The following TMEM45B variants were observed in gnomAD, a reference collection of about 807,000 sequenced individuals.
The protein encoded by TMEM45B is transmembrane protein 45B.
In TMEM45B, 29 loss-of-function variants were observed where a neutral mutation model predicts 27.3. The ratio of observed to expected loss-of-function variants is 1.06; its 90% CI spans 0.79 to 1.45. The LOEUF (loss-of-function observed/expected upper bound fraction) is 1.45, where lower values mean the gene tolerates loss of function less well. TMEM45B is among the 40% of genes most tolerant of loss of function. The pLI is 0.00. For synonymous variants in TMEM45B, 143 were observed against 134.7 expected (o/e 1.06, Z -0.43); for missense variants, 348 against 343.9 (o/e 1.01, Z -0.09).
intron 1 of TMEM45B, among the ~76,000 whole-genome samples, chr11:129,832,211 A>T (rs1477825076): frequency 2.6e-5 from 4 of 152,118 alleles, no homozygotes; most frequent in African/African-American, 9.6e-5. Flanking sequence ...TCTACTAAAA[A>T]TACAGAAAAT....
At chr11:129,818,012 A>G (rs188991859) in intron 1 of TMEM45B, among the ~76,000 whole-genome samples, 2 of 152,302 alleles carry the variant, frequency 1.3e-5, no homozygotes, top group East Asian at 3.9e-4. Flanking sequence ...ATTTGTTTCT[A>G]TAGAAAGATC....
rs148543590 is a variant in TMEM45B at position 129,846,969 on chromosome 11, G to C, written c.-8-5506G>C. On this transcript the variant is annotated intron_variant, in intron 1 of 5. Coordinates refer to ENST00000281441, the MANE Select transcript of TMEM45B (RefSeq NM_138788.5). The stretch of plus-strand genomic sequence containing the variant: ...AGTGCTGGGAGAAATCAAAGAGATG[G>C]CTCAGGATCGTATATGGCCTTATTG... 4.3e-4 allele frequency among the ~76,000 whole-genome samples: 65 copies of C among 152,290 alleles called. No individual in the cohort carries two copies. In the East Asian group the frequency reaches 0.013, roughly 29 times the overall value.
At chr11:129,836,947 G>C (rs766830313) in intron 1 of TMEM45B, among the ~76,000 whole-genome samples, 12 of 151,714 alleles carry the variant, frequency 7.9e-5, no homozygotes, top group Admixed American at 3.3e-4. Flanking sequence ...TTCAATTTAT[G>C]AATTGAAAGG....
At chr11:129,819,896 G>A (rs548729643) in intron 1 of TMEM45B, among the ~76,000 whole-genome samples, 84 of 152,088 alleles carry the variant, frequency 5.5e-4, no homozygotes, top group African/African-American at 1.9e-3. Context: ...AGCTTTTCTG[G>A]TAGCCCACCC....
intron 3 of TMEM45B, 43 bp downstream of exon 3, chr11:129,854,859 G>A: frequency 6.3e-7 from 1 of 1,593,824 alleles, no homozygotes; most frequent in Non-Finnish European, 8.5e-7. Flanking sequence ...AGCCTGACAA[G>A]TCATATTTAT....
intron 1 of TMEM45B, among the ~76,000 whole-genome samples, chr11:129,833,111 G>T (rs371632932): frequency 6.6e-6 from 1 of 151,836 alleles, no homozygotes; most frequent in African/African-American, 2.4e-5. Flanking sequence ...TTGTGGTGGC[G>T]CACCTGTAGT....
chr11:129,847,967 G>A (rs1591447783), intron 1 of TMEM45B, among the ~76,000 whole-genome samples: 2 of 152,226 alleles, frequency 1.3e-5, no homozygotes, highest in African/African-American at 4.8e-5. Context: ...GGGGCGGCCG[G>A]GCAGAGACGC....
chr11:129,854,789 G>A lies in TMEM45B; in HGVS notation c.358G>A (p.Val120Ile), dbSNP rs1947898235. The change falls in exon 3 of 6, where the codon GTT becomes ATT. Residue 120 changes from valine to isoleucine, a missense_variant. Physicochemically the swap from Val to Ile is conservative, Grantham distance 29. Transcript: ENST00000281441. The part of the protein sequence containing the change: ...SHVPLGVDRL[V>I]MAVAVFMEGF... Reference sequence around the variant, plus strand: ...CGTTCCCTTGGGGGTGGACAGACTGGTTATGGCTGTGGCAGTATTCATGGA... The same window carrying A: ...CGTTCCCTTGGGGGTGGACAGACTGATTATGGCTGTGGCAGTATTCATGGA... 6.2e-7 allele frequency: 1 copy of A among 1,613,916 alleles called. No individual in the cohort carries two copies. Among genetic ancestry groups the A allele is most frequent in the Admixed American group, 1.7e-5 (1 of 60,006 alleles).
chr11:129,845,866 A>C (rs569599458), intron 1 of TMEM45B, among the ~76,000 whole-genome samples: 1 of 152,324 alleles, frequency 6.6e-6, no homozygotes, highest in Non-Finnish European at 1.5e-5. Context: ...CAAAACAAGG[A>C]AAAGCCTCTT....
At chr11:129,827,181 C>G (rs1419854694) in intron 1 of TMEM45B, 2 of 152,238 alleles carry the variant, frequency 1.3e-5, no homozygotes, top group African/African-American at 4.8e-5. Flanking sequence ...GACAATCAGT[C>G]TTTCACAAGT....
Position 129,828,505 on chromosome 11 carries a change from G to A in TMEM45B, c.-9+12607G>A, listed in dbSNP as rs1025445451. On this transcript the variant is annotated intron_variant, in intron 1 of 5. Transcript: ENST00000281441. ...GTTGAAGTTCAGGACTGCGGCCACA[G>A]TCACACCACCTGTAAGCAATGGAGG... Among the ~76,000 whole-genome samples, 9 of 152,316 alleles carry A rather than the reference G, an allele frequency of 5.9e-5. No homozygotes were observed. In the South Asian group the frequency reaches 1.0e-3, roughly 18 times the overall value.
chr11:129,838,583 C>T (rs548582339), intron 1 of TMEM45B, among the ~76,000 whole-genome samples: 221 of 152,206 alleles, frequency 1.5e-3, no homozygotes, highest in African/African-American at 4.7e-3. Context: ...TTCTTTTTAA[C>T]GGTTATATAA....
intron 1 of TMEM45B, among the ~76,000 whole-genome samples, chr11:129,851,766 A>G (rs1947849643): frequency 6.6e-6 from 1 of 152,166 alleles, no homozygotes; most frequent in South Asian, 2.1e-4. Context: ...ATAACAGCAA[A>G]TCATGCCTGA....
At chr11:129,844,659 C>T (rs1184661919) in intron 1 of TMEM45B, among the ~76,000 whole-genome samples, 1 of 152,098 alleles carries the variant, frequency 6.6e-6, no homozygotes, top group African/African-American at 2.4e-5. Flanking sequence ...TGCACTCCAC[C>T]CTCGGTGATA....
At chr11:129,841,579 C>CTTTTTTT (rs1565368816) in intron 1 of TMEM45B, among the ~76,000 whole-genome samples, 1 of 134,868 alleles carries the variant, frequency 7.4e-6, no homozygotes, top group Non-Finnish European at 1.6e-5. Flanking sequence ...TTGAAGTTTT[C>CTTTTTTT]TTTTGTTTTT....
At chr11:129,854,437 C>T (rs1947890886) in intron 2 of TMEM45B, among the ~76,000 whole-genome samples, 173 bp from the exon 3 acceptor site, 1 of 152,124 alleles carries the variant, frequency 6.6e-6, no homozygotes, top group Non-Finnish European at 1.5e-5. Context: ...CAGCACACAC[C>T]CTACTTTATA....
chr11:129,835,200 A>G (rs935287995), intron 1 of TMEM45B, among the ~76,000 whole-genome samples: 1 of 152,232 alleles, frequency 6.6e-6, no homozygotes, highest in East Asian at 1.9e-4. Context: ...AGATTTGGAA[A>G]ATTCTCCATC....
intron 1 of TMEM45B, among the ~76,000 whole-genome samples, chr11:129,832,621 T>C (rs905248454): frequency 3.5e-5 from 1 of 28,508 alleles, no homozygotes; most frequent in Non-Finnish European, 9.0e-5. Flanking sequence ...TAAAATTGAA[T>C]AGTTGTAATT....
chr11:129,839,306 T>C (rs970780671), intron 1 of TMEM45B, among the ~76,000 whole-genome samples: 1 of 152,102 alleles, frequency 6.6e-6, no homozygotes, highest in African/African-American at 2.4e-5. Flanking sequence ...ATGAGAGTCA[T>C]GGAAGTGTTG....
Sources: allele counts gnomAD v4.1 joint callset (sites outside exome capture counted in the v4.1 genomes callset), GRCh38; gene constraint gnomAD v4.1.1; transcripts MANE v1.5; gene names NCBI Gene and HGNC (gene_info 2026-07-23, HGNC 2026-07-21).